SLC10A7: variants seen among roughly 807,000 people sequenced by gnomAD.
The protein encoded by SLC10A7 is solute carrier family 10 member 7, also known as sodium/bile acid cotransporter 7.
A neutral mutation model predicts 43.2 loss-of-function variants in SLC10A7; 29 were observed. The observed-to-expected ratio is 0.67, with a 90% CI of 0.50 to 0.92. SLC10A7 has a LOEUF of 0.92. Ranked by LOEUF, SLC10A7 falls within the 40% of genes least tolerant of loss-of-function variation. The probability of loss-of-function intolerance (pLI) is 0.00; values close to 1 mark genes in which losing one functional copy is unlikely to be tolerated. For missense variants in SLC10A7, 295 were observed against 403.2 expected (o/e 0.73, Z 2.30); for synonymous variants, 152 against 144.8 (o/e 1.05, Z -0.35).
At chr4:146,352,021 AT>A (rs1735155255) in intron 5 of SLC10A7, among the ~76,000 whole-genome samples, 1 of 114,430 alleles carries the variant, frequency 8.7e-6, no homozygotes, top group Non-Finnish European at 1.7e-5. Flanking sequence ...ACAGGATCAA[AT>A]TCACACATAA....
chr4:146,503,082 C>T (rs1736567509), intron 4 of SLC10A7, among the ~76,000 whole-genome samples: 1 of 152,156 alleles, frequency 6.6e-6, no homozygotes, highest in Non-Finnish European at 1.5e-5. Flanking sequence ...AGCAGGTACT[C>T]AATATTTTTG....
At chr4:146,428,398 T>C (rs1408835676) in intron 5 of SLC10A7, among the ~76,000 whole-genome samples, 1 of 152,112 alleles carries the variant, frequency 6.6e-6, no homozygotes, top group Non-Finnish European at 1.5e-5. Flanking sequence ...GACCAAAAAG[T>C]CAAAGCAATA....
chr4:146,277,879 G>A lies in SLC10A7; in HGVS notation c.847+5313C>T, dbSNP rs73855123. On this transcript the variant is annotated intron_variant, in intron 10 of 11. Transcript: ENST00000335472. ...ATAATAAAGAAAATGTAAGAAATGAGTATCAGTTTATGACTGGGCCACATG... is the reference window on the plus strand; with the variant it reads ...ATAATAAAGAAAATGTAAGAAATGAATATCAGTTTATGACTGGGCCACATG... 6.9e-3 allele frequency among the ~76,000 whole-genome samples: 1,043 copies of A among 152,118 alleles called. 15 individuals are homozygous for A. Among genetic ancestry groups the A allele is most frequent in the African/African-American group, 0.024 (997 of 41,498 alleles).
At chr4:146,510,172 T>G (rs1737322673) in intron 2 of SLC10A7, 123 bp from the exon 3 acceptor site, 2 of 843,278 alleles carry the variant, frequency 2.4e-6, no homozygotes, top group East Asian at 2.8e-5. Flanking sequence ...GCTAAAATTT[T>G]TATCTATAAG....
At chr4:146,333,122 C>T (rs1733649613) in intron 5 of SLC10A7, among the ~76,000 whole-genome samples, 1 of 152,138 alleles carries the variant, frequency 6.6e-6, no homozygotes, top group African/African-American at 2.4e-5. Flanking sequence ...GCAGTTCTAC[C>T]TGGTTCCTCT....
chr4:146,480,020 A>G (rs570551829), intron 4 of SLC10A7, among the ~76,000 whole-genome samples: 17 of 151,832 alleles, frequency 1.1e-4, no homozygotes, highest in African/African-American at 4.1e-4. Context: ...AAATTCCCCT[A>G]GATGTCTGAC....
At chr4:146,480,631 T>C (rs1451642578) in intron 4 of SLC10A7, among the ~76,000 whole-genome samples, 1 of 152,018 alleles carries the variant, frequency 6.6e-6, no homozygotes, top group Non-Finnish European at 1.5e-5. Flanking sequence ...GTATATAAAA[T>C]ACTTTTATTT....
chr4:146,473,725 T>A (rs902560110), intron 4 of SLC10A7, among the ~76,000 whole-genome samples: 6 of 152,088 alleles, frequency 3.9e-5, no homozygotes, highest in African/African-American at 1.4e-4. Flanking sequence ...TAAAAAAAAA[T>A]GAGTTTCTAG....
At chr4:146,443,746 T>C (rs1473983148) in intron 4 of SLC10A7, among the ~76,000 whole-genome samples, 3 of 152,244 alleles carry the variant, frequency 2.0e-5, no homozygotes, top group South Asian at 2.1e-4. Context: ...GGCTAAGAGC[T>C]GTAGCTGAAA....
At chr4:146,262,634 T>A (rs1001819123) in intron 10 of SLC10A7, among the ~76,000 whole-genome samples, 1 of 152,200 alleles carries the variant, frequency 6.6e-6, no homozygotes, top group African/African-American at 2.4e-5. Flanking sequence ...ATGTAACTGA[T>A]CAAGTACTCT....
chr4:146,438,308 C>T (rs368535331), intron 5 of SLC10A7, among the ~76,000 whole-genome samples: 9 of 152,148 alleles, frequency 5.9e-5, no homozygotes, highest in Admixed American at 4.6e-4. Context: ...AGAATAGCTT[C>T]TGCTAGTTCC....
At chr4:146,371,872 A>G (rs1163872198) in intron 5 of SLC10A7, among the ~76,000 whole-genome samples, 1 of 152,154 alleles carries the variant, frequency 6.6e-6, no homozygotes, top group Non-Finnish European at 1.5e-5. Flanking sequence ...AGAAGTCCAG[A>G]TGGTTGGGGA....
chr4:146,311,052 G>A (rs1054534352), intron 6 of SLC10A7, among the ~76,000 whole-genome samples: 1 of 151,920 alleles, frequency 6.6e-6, no homozygotes, highest in Non-Finnish European at 1.5e-5. Flanking sequence ...TCCCAAGGAT[G>A]GTACATAACT....
chr4:146,335,250 G>GGAAAAAAA (rs772547279), intron 5 of SLC10A7, among the ~76,000 whole-genome samples: 1 of 70,602 alleles, frequency 1.4e-5, no homozygotes. Context: ...CACAGATGTT[G>GGAAAAAAA]TAAAAAAAAA....
chr4:146,395,107 GC>G (rs1327015982), intron 5 of SLC10A7, among the ~76,000 whole-genome samples: 1 of 152,040 alleles, frequency 6.6e-6, no homozygotes, highest in Non-Finnish European at 1.5e-5. Flanking sequence ...AGTAGCTTAT[GC>G]CTATAATCCC....
chr4:146,356,060 A>ATATG (rs1480563602), intron 5 of SLC10A7, among the ~76,000 whole-genome samples: 179 of 147,416 alleles, frequency 1.2e-3, no homozygotes, highest in African/African-American at 4.2e-3. Context: ...AAATATATAT[A>ATATG]TATATATACA....
At chr4:146,292,401 CAGAAG>C (rs1215989714) in intron 9 of SLC10A7, among the ~76,000 whole-genome samples, 1 of 151,848 alleles carries the variant, frequency 6.6e-6, no homozygotes, top group African/African-American at 2.4e-5. Flanking sequence ...AAAAATATTA[CAGAAG>C]TAGGATCGGG....
intron 9 of SLC10A7, among the ~76,000 whole-genome samples, chr4:146,290,148 C>T (rs945225787): frequency 6.6e-5 from 10 of 150,648 alleles, no homozygotes; most frequent in South Asian, 2.1e-4. Context: ...CATGCTGAAA[C>T]CCCATCTCTA....
chr4:146,483,401 A>T, intron 4 of SLC10A7, among the ~76,000 whole-genome samples: 1 of 152,192 alleles, frequency 6.6e-6, no homozygotes, highest in East Asian at 1.9e-4. Flanking sequence ...AGCTTACAAC[A>T]GTAGTTTATA....
Sources: allele counts gnomAD v4.1 joint callset (sites outside exome capture counted in the v4.1 genomes callset), GRCh38; gene constraint gnomAD v4.1.1; transcripts MANE v1.5; gene names NCBI Gene and HGNC (gene_info 2026-07-23, HGNC 2026-07-21).